Variants in SUCLG2 observed in about 807,000 individuals in gnomAD.
SUCLG2 encodes the protein succinate-CoA ligase GDP-forming subunit beta.
In SUCLG2, 42 loss-of-function variants were observed where a neutral mutation model predicts 47.9. That is an observed-to-expected ratio of 0.88 (90% CI 0.69 to 1.14). The LOEUF (loss-of-function observed/expected upper bound fraction) is 1.14. SUCLG2 is among the 50% of genes most tolerant of loss of function. The pLI, the probability that SUCLG2 is intolerant of heterozygous loss-of-function variation, is 0.00. For synonymous variants in SUCLG2, 195 were observed against 197.3 expected, an observed-to-expected ratio of 0.99 and a Z score of 0.10; for missense variants, 571 against 525.9, an observed-to-expected ratio of 1.09 and a Z score of -0.84.
At chr3:67,591,201 T>G (rs1240688784) in intron 2 of SUCLG2, among the ~76,000 whole-genome samples, 1 of 152,112 alleles carries the variant, frequency 6.6e-6, no homozygotes, top group Non-Finnish European at 1.5e-5. Context: ...GAAAGGATGG[T>G]CTCAGAGATT....
intron 2 of SUCLG2, among the ~76,000 whole-genome samples, chr3:67,599,656 C>A (rs1011399927): frequency 6.6e-6 from 1 of 151,636 alleles, no homozygotes; most frequent in Admixed American, 6.6e-5. Flanking sequence ...ATCCACGTCC[C>A]ATCTGTTTCC....
intron 9 of SUCLG2, among the ~76,000 whole-genome samples, chr3:67,434,341 C>T (rs1188134820): frequency 1.3e-5 from 2 of 152,090 alleles, no homozygotes; most frequent in Non-Finnish European, 2.9e-5. Context: ...GGCTGGGAAA[C>T]ACAGCAAGAA....
chr3:67,489,780 T>A (rs1421044217), intron 9 of SUCLG2, among the ~76,000 whole-genome samples: 1 of 152,160 alleles, frequency 6.6e-6, no homozygotes, highest in Non-Finnish European at 1.5e-5. Context: ...ACCTGAAGAA[T>A]CTCTGAGCAG....
downstream of SUCLG2, among the ~76,000 whole-genome samples, chr3:67,373,542 GT>G (rs1276977955): frequency 1.3e-5 from 2 of 152,174 alleles, no homozygotes; most frequent in East Asian, 3.9e-4. Flanking sequence ...ACTTGTCTGA[GT>G]TTTTTATGGC....
intron 1 of SUCLG2, among the ~76,000 whole-genome samples, chr3:67,613,748 C>T (rs768228380): frequency 7.9e-5 from 12 of 152,152 alleles, no homozygotes; most frequent in Non-Finnish European, 1.2e-4. Flanking sequence ...AATTAGGAAA[C>T]GGGCTGAACT....
At chr3:67,478,733 G>A (rs1031449713) in intron 9 of SUCLG2, among the ~76,000 whole-genome samples, 1 of 152,164 alleles carries the variant, frequency 6.6e-6, no homozygotes, top group Non-Finnish European at 1.5e-5. Flanking sequence ...TCTAGTGGGA[G>A]GTTGCAACTG....
At chr3:67,442,655 A>T (rs1444706936) in intron 9 of SUCLG2, among the ~76,000 whole-genome samples, 1 of 152,226 alleles carries the variant, frequency 6.6e-6, no homozygotes, top group Non-Finnish European at 1.5e-5. Flanking sequence ...TTAGAGATTT[A>T]ATTACTAAAT....
chr3:67,648,732 A>C (rs562791499), intron 1 of SUCLG2, among the ~76,000 whole-genome samples: 7 of 152,204 alleles, frequency 4.6e-5, no homozygotes, highest in Non-Finnish European at 7.4e-5. Flanking sequence ...CCCTTTCACA[A>C]CTAGGATTTC....
At chr3:67,650,681 CAGG>C (rs1701270474) in intron 1 of SUCLG2, among the ~76,000 whole-genome samples, 1 of 152,070 alleles carries the variant, frequency 6.6e-6, no homozygotes, top group Non-Finnish European at 1.5e-5. Context: ...CGCTTGTACC[CAGG>C]AGGAGGAGGT....
intron 2 of SUCLG2, among the ~76,000 whole-genome samples, chr3:67,539,989 G>C (rs1337732025): frequency 6.6e-6 from 1 of 150,886 alleles, no homozygotes; most frequent in Non-Finnish European, 1.5e-5. Context: ...TATTTTGTTA[G>C]CCTTTTCAAA....
intron 2 of SUCLG2, among the ~76,000 whole-genome samples, chr3:67,546,744 A>G (rs1273314010): frequency 6.6e-6 from 1 of 151,506 alleles, no homozygotes; most frequent in African/African-American, 2.4e-5. Context: ...CAAAACAAAC[A>G]AACAAAATTA....
chr3:67,403,565 C>A (rs116108524), intron 9 of SUCLG2, among the ~76,000 whole-genome samples: 2 of 152,102 alleles, frequency 1.3e-5, no homozygotes, highest in African/African-American at 4.8e-5. Context: ...GAGAGCCAGA[C>A]CAATAAACTG....
chr3:67,423,352 T>C (rs1275097897), intron 9 of SUCLG2, among the ~76,000 whole-genome samples: 3 of 152,162 alleles, frequency 2.0e-5, no homozygotes, highest in Non-Finnish European at 4.4e-5. Context: ...ACTCTTATCT[T>C]TATAAATTAC....
At chr3:67,625,737 C>T (rs1362540733) in intron 1 of SUCLG2, among the ~76,000 whole-genome samples, 1 of 152,158 alleles carries the variant, frequency 6.6e-6, no homozygotes, top group Non-Finnish European at 1.5e-5. Context: ...AACAAGCCCC[C>T]TCCCAAAAGC....
At chr3:67,627,992 T>G (rs573468379) in intron 1 of SUCLG2, among the ~76,000 whole-genome samples, 5 of 151,968 alleles carry the variant, frequency 3.3e-5, no homozygotes, top group African/African-American at 4.8e-5. Flanking sequence ...TTAGTGGTGG[T>G]TTTTTTTGGA....
rs115302743 is a variant in SUCLG2, at chr3:67,412,673, C to A, written c.1063-11822G>T. On this transcript the variant is annotated intron_variant, in intron 9 of 10. Transcript: ENST00000307227. ...TATCAGAGCATCTCAAAAAAGTCTT[C>A]ATTACAGGATATTCTCTTCTGGTCA... 9.9e-3 allele frequency among the ~76,000 whole-genome samples: 1,510 copies of A among 152,256 alleles called. 12 individuals carry two copies. Among genetic ancestry groups the A allele is most frequent in the Non-Finnish European group, 0.016 (1,055 of 68,016 alleles).
chr3:67,637,226 T>A (rs1392588520), intron 1 of SUCLG2, among the ~76,000 whole-genome samples: 1 of 152,134 alleles, frequency 6.6e-6, no homozygotes, highest in African/African-American at 2.4e-5. Flanking sequence ...TAAAAAGGGA[T>A]ATCAGACAGG....
intron 10 of SUCLG2, among the ~76,000 whole-genome samples, chr3:67,390,088 C>T (rs768996773): frequency 1.1e-4 from 17 of 152,324 alleles, no homozygotes; most frequent in South Asian, 4.1e-4. Flanking sequence ...GTTTCAGGCA[C>T]GCTGCCACAT....
chr3:67,524,515 CTAGT>C (rs1366178041), intron 4 of SUCLG2, among the ~76,000 whole-genome samples: 1 of 152,166 alleles, frequency 6.6e-6, no homozygotes, highest in African/African-American at 2.4e-5. Context: ...CTCACAGGCC[CTAGT>C]ACTAGCCCCA....
Sources: allele counts gnomAD v4.1 joint callset (sites outside exome capture counted in the v4.1 genomes callset), GRCh38; gene constraint gnomAD v4.1.1; transcripts MANE v1.5; gene names NCBI Gene and HGNC (gene_info 2026-07-23, HGNC 2026-07-21).